Variants in GRIN2B observed in about 807,000 individuals in gnomAD.
GRIN2B encodes glutamate receptor ionotropic, NMDA 2B.
A neutral mutation model predicts 114.5 loss-of-function variants in GRIN2B; 5 were observed. The observed-to-expected ratio is 0.04, with a 90% CI of 0.02 to 0.09. The LOEUF is 0.09. Among genes scored for constraint, GRIN2B ranks in the 10% least tolerant of loss-of-function variants. GRIN2B has a pLI of 1.00. For missense variants in GRIN2B, 1,108 were observed against 1,943.5 expected, an observed-to-expected ratio of 0.57 and a Z score of 8.08; for synonymous variants, 787 against 745.1, an observed-to-expected ratio of 1.06 and a Z score of -0.92.
Position 13,563,558 on chromosome 12 carries a change from G to A in GRIN2B, c.3680C>T (p.Thr1227Met). 6.2e-7 allele frequency: 1 copy of A among 1,614,110 alleles called. No homozygotes were observed. The change falls in exon 14 of 14, where the codon ACG becomes ATG. Residue 1227 changes from threonine (T) to methionine (M), a missense_variant. Thr to Met is a moderately conservative substitution (Grantham distance 81). Coordinates refer to ENST00000609686, the MANE Select transcript of GRIN2B (RefSeq NM_000834.5). ...SCPSKLHNYS[T>M]TVTGQNSGRQ... ...GCCCGAGTTCTGACCCGTCACCGTC[G>A]TGGAGTAGTTGTGCAGCTTGGAGGG...
chr12:13,702,427 GC>G (rs749618167), intron 4 of GRIN2B, among the ~76,000 whole-genome samples: 1 of 152,146 alleles, frequency 6.6e-6, no homozygotes. Context: ...TTCTGGTCTG[GC>G]CTTATTATGC....
chr12:13,775,765 CATT>C (rs1245123284), intron 3 of GRIN2B, among the ~76,000 whole-genome samples: 1 of 152,004 alleles, frequency 6.6e-6, no homozygotes, highest in Non-Finnish European at 1.5e-5. Flanking sequence ...TATGATATGT[CATT>C]GTTGTTTTAA....
intron 4 of GRIN2B, among the ~76,000 whole-genome samples, chr12:13,692,791 A>C (rs1014469797): frequency 6.1e-5 from 2 of 32,596 alleles, no homozygotes; most frequent in Non-Finnish European, 1.4e-4. Flanking sequence ...TTTTTGAGGC[A>C]GAGTTTTGCT....
intron 5 of GRIN2B, among the ~76,000 whole-genome samples, chr12:13,632,377 G>A (rs1023539598): frequency 1.7e-4 from 26 of 152,198 alleles, no homozygotes; most frequent in African/African-American, 6.3e-4. Context: ...AATGGGGTTG[G>A]GCCAGCCCAG....
chr12:13,649,520 T>C (rs1307713778), intron 5 of GRIN2B, among the ~76,000 whole-genome samples: 3 of 152,106 alleles, frequency 2.0e-5, no homozygotes, highest in Non-Finnish European at 4.4e-5. Context: ...ACAGGAATCT[T>C]AGAGCCTACA....
At chr12:13,837,325 C>T (rs1865289208) in intron 3 of GRIN2B, among the ~76,000 whole-genome samples, 1 of 152,230 alleles carries the variant, frequency 6.6e-6, no homozygotes, top group African/African-American at 2.4e-5. Context: ...TTCACACATG[C>T]ATGTCCTGGC....
intron 4 of GRIN2B, among the ~76,000 whole-genome samples, chr12:13,727,139 AC>A (rs1341478753): frequency 2.0e-5 from 3 of 152,042 alleles, no homozygotes; most frequent in Non-Finnish European, 2.9e-5. Context: ...CAAATTCTTC[AC>A]TCTTAACCCT....
At chr12:13,780,834 C>CAA (rs200061187) in intron 3 of GRIN2B, among the ~76,000 whole-genome samples, 9,341 of 84,546 alleles carry the variant, frequency 0.11, 362 homozygotes, top group Non-Finnish European at 0.17. Context: ...CAGGTTTTGC[C>CAA]AAAAAAAAAA....
chr12:13,788,704 A>C (rs1864261590), intron 3 of GRIN2B, among the ~76,000 whole-genome samples: 1 of 48,584 alleles, frequency 2.1e-5, no homozygotes, highest in Non-Finnish European at 4.2e-5. Context: ...TTGATGTTTC[A>C]TGTGACAGTT....
chr12:13,800,595 A>G (rs1046686911), intron 3 of GRIN2B, among the ~76,000 whole-genome samples: 1 of 152,212 alleles, frequency 6.6e-6, no homozygotes, highest in Non-Finnish European at 1.5e-5. Flanking sequence ...TCCATATAGT[A>G]TCAACATCTC....
At chr12:13,890,940 T>G (rs1866250477) in intron 2 of GRIN2B, among the ~76,000 whole-genome samples, 1 of 152,186 alleles carries the variant, frequency 6.6e-6, no homozygotes, top group East Asian at 1.9e-4. Flanking sequence ...GCAGGTTTCC[T>G]CTGCAGATGA....
intron 5 of GRIN2B, among the ~76,000 whole-genome samples, chr12:13,664,646 T>A (rs930658126): frequency 6.6e-6 from 1 of 152,170 alleles, no homozygotes; most frequent in Non-Finnish European, 1.5e-5. Context: ...AGATCAGTGT[T>A]CTTATTGTTG....
chr12:13,767,673 T>G (rs759852712), intron 3 of GRIN2B, among the ~76,000 whole-genome samples: 1 of 152,208 alleles, frequency 6.6e-6, no homozygotes, highest in African/African-American at 2.4e-5. Flanking sequence ...TATGTAACAA[T>G]TTACCAACAG....
rs535438265 is a variant in GRIN2B, at chr12:13,861,877, C to A, written c.411+3921G>T. On this transcript the variant is annotated intron_variant, in intron 3 of 13. Transcript: ENST00000609686. ...CTCCCTTCAAACTGCTCCACATGGC[C>A]TTCAGCTTCACCTGCTGAATGTTAG... 2.0e-5 allele frequency among the ~76,000 whole-genome samples: 3 copies of A among 152,322 alleles called. 1 individual carries two copies. Among genetic ancestry groups the A allele is most frequent in the African/African-American group, 7.2e-5 (3 of 41,580 alleles).
intron 3 of GRIN2B, among the ~76,000 whole-genome samples, chr12:13,835,643 G>C (rs748143789): frequency 6.6e-6 from 1 of 151,866 alleles, no homozygotes; most frequent in Non-Finnish European, 1.5e-5. Context: ...CATCAGGAAG[G>C]CACCCCCTTT....
chr12:13,572,646 T>A (rs1345081350), intron 10 of GRIN2B, among the ~76,000 whole-genome samples: 2 of 152,154 alleles, frequency 1.3e-5, no homozygotes, highest in Non-Finnish European at 2.9e-5. Context: ...TGGATTTTCA[T>A]CCCTATGACA....
At chr12:13,762,774 C>T (rs1863703783) in intron 3 of GRIN2B, among the ~76,000 whole-genome samples, 1 of 152,194 alleles carries the variant, frequency 6.6e-6, no homozygotes, top group Non-Finnish European at 1.5e-5. Flanking sequence ...AGAGACTAGG[C>T]ATGGCTGAGT....
chr12:13,887,183 C>G (rs1273250672), intron 2 of GRIN2B, among the ~76,000 whole-genome samples: 1 of 152,070 alleles, frequency 6.6e-6, no homozygotes, highest in Non-Finnish European at 1.5e-5. Context: ...TTGGAGAAAC[C>G]GTTCAATGAT....
At chr12:13,810,371 C>T (rs953630919) in intron 3 of GRIN2B, among the ~76,000 whole-genome samples, 7 of 151,654 alleles carry the variant, frequency 4.6e-5, no homozygotes, top group African/African-American at 7.3e-5. Flanking sequence ...TGTGTGTGTG[C>T]GCGCATTTGG....
Sources: allele counts gnomAD v4.1 joint callset (sites outside exome capture counted in the v4.1 genomes callset), GRCh38; gene constraint gnomAD v4.1.1; transcripts MANE v1.5; gene names NCBI Gene and HGNC (gene_info 2026-07-23, HGNC 2026-07-21).